Variants in CDC42EP3 observed in about 807,000 individuals in gnomAD.
CDC42EP3 encodes CDC42 effector protein 3, also known as CDC42 effector protein (Rho GTPase binding) 3.
CDC42EP3 carries 4 observed loss-of-function variants against 15.5 expected under a neutral mutation model. That is an observed-to-expected ratio of 0.26 (90% CI 0.13 to 0.59). CDC42EP3 has a LOEUF of 0.59. Among genes scored for constraint, CDC42EP3 ranks in the 20% least tolerant of loss-of-function variants. The pLI, the probability that CDC42EP3 is intolerant of heterozygous loss-of-function variation, is 0.89. For missense variants in CDC42EP3, 309 were observed against 311.2 expected, an observed-to-expected ratio of 0.99 and a Z score of 0.05; for synonymous variants, 145 against 130.3, an observed-to-expected ratio of 1.11 and a Z score of -0.77.
intron 1 of CDC42EP3, among the ~76,000 whole-genome samples, chr2:37,652,894 T>G (rs935216417): frequency 3.9e-5 from 6 of 152,168 alleles, no homozygotes; most frequent in Admixed American, 3.9e-4. Context: ...CTTGCATTTC[T>G]CTACTCCCAC....
intron 1 of CDC42EP3, among the ~76,000 whole-genome samples, chr2:37,667,644 A>G (rs939489385): frequency 2.6e-5 from 4 of 152,228 alleles, no homozygotes; most frequent in African/African-American, 9.7e-5. Flanking sequence ...GTGGGATTGA[A>G]TCATCTTTAA....
intron 1 of CDC42EP3, among the ~76,000 whole-genome samples, chr2:37,663,063 G>T (rs919289997): frequency 6.6e-6 from 1 of 152,234 alleles, no homozygotes; most frequent in Non-Finnish European, 1.5e-5. Flanking sequence ...TACTCATGAG[G>T]CTGAGGCAGG....
Position 37,646,720 on chromosome 2 carries a change from G to A in CDC42EP3, c.-133C>T, listed in dbSNP as rs968600468. ...CTCAAGTGGCTTCAGAAGTGGCTTC[G>A]AAATGAGATGGGGTCAAAGAGAACC... On this transcript the variant is annotated 5_prime_UTR_variant, in exon 2 of 2. Transcript: ENST00000295324. 4.6e-5 allele frequency: 40 copies of A among 863,560 alleles called. 1 individual carries two copies. The highest frequency in any genetic ancestry group is 1.8e-4 in the Admixed American group (7 of 38,092). The allele number at this position is 863,560 out of a possible 1,614,324, so 53.5% of individuals were successfully genotyped here.
chr2:37,651,375 A>ATACAT (rs1330091500), intron 1 of CDC42EP3, among the ~76,000 whole-genome samples: 1 of 152,230 alleles, frequency 6.6e-6, no homozygotes, highest in Non-Finnish European at 1.5e-5. Context: ...GGCTCAGATT[A>ATACAT]GGCTTTCCTG....
intron 1 of CDC42EP3, among the ~76,000 whole-genome samples, chr2:37,665,784 G>C (rs758549818): frequency 6.6e-6 from 1 of 152,142 alleles, no homozygotes; most frequent in South Asian, 2.1e-4. Context: ...AGATCTGCAC[G>C]GGTCTGTTTT....
chr2:37,666,453 T>C (rs556833492), intron 1 of CDC42EP3, among the ~76,000 whole-genome samples: 17 of 152,290 alleles, frequency 1.1e-4, no homozygotes, highest in African/African-American at 3.6e-4. Flanking sequence ...GCAACATGGT[T>C]TAACAAAGGG....
Position 37,646,021 on chromosome 2 carries a change from G to A in CDC42EP3, c.567C>T (p.Ser189=). The A allele has an allele frequency of 6.2e-7, 1 of 1,614,058 alleles. No homozygotes were observed. Among genetic ancestry groups the A allele is most frequent in the Non-Finnish European group, 8.5e-7 (1 of 1,179,958 alleles). The change falls in exon 2 of 2, where the codon TCC becomes TCT. Residue 189 remains serine, a synonymous_variant. Coordinates refer to ENST00000295324, the MANE Select transcript of CDC42EP3 (RefSeq NM_006449.5). ...CGGGGTACTGTTCGGACAGGCTGGA[G>A]GAGTGGCTGTCTCTGCCTTGGCTGG... The part of the protein sequence containing the change: ...SQSSQGRDSH[S]SSLSEQYPDW...
At position 37,643,068 on chromosome 2, in the gene CDC42EP3, A is replaced by C. The variant is rs1192259110; in HGVS notation, c.*2755T>G. ...CAACAAGAAGTGTCTCTACTTATACAAATGGCATGGTTTCTTTTCTGGTTA... is the reference window on the plus strand; with the variant it reads ...CAACAAGAAGTGTCTCTACTTATACCAATGGCATGGTTTCTTTTCTGGTTA... On this transcript the variant is annotated 3_prime_UTR_variant, in exon 2 of 2. Transcript: ENST00000295324. 2 of 152,236 alleles carry C rather than the reference A, an allele frequency of 1.3e-5. No individual in the cohort carries two copies. The highest frequency in any genetic ancestry group is 4.8e-5 in the African/African-American group (2 of 41,468). 9.4% of individuals were successfully genotyped at this position (152,236 alleles called of 1,614,324 possible).
At position 37,660,788 on chromosome 2, in the gene CDC42EP3, TAA is replaced by T. The variant is rs11315857; in HGVS notation, c.-236+10636_-236+10637del. Among the ~76,000 whole-genome samples the T allele has an allele frequency of 2.1e-3, 309 of 146,632 alleles. 3 individuals are homozygous for T. The highest frequency in any genetic ancestry group is 3.2e-3 in the Admixed American group (47 of 14,774). On this transcript the variant is annotated intron_variant, in intron 1 of 1. Coordinates refer to ENST00000295324, the MANE Select transcript of CDC42EP3 (RefSeq NM_006449.5). ...TTCTATTTTGCGTCTACCTTAAGGT[TAA>T]AAAAAAAAAAAATGGAATGAACCTC...
chr2:37,667,688 T>G (rs1296134846), intron 1 of CDC42EP3, among the ~76,000 whole-genome samples: 1 of 152,252 alleles, frequency 6.6e-6, no homozygotes, highest in African/African-American at 2.4e-5. Context: ...TCCTCAAGGC[T>G]GGCAATTACT....
intron 1 of CDC42EP3, among the ~76,000 whole-genome samples, chr2:37,654,712 C>T (rs1665794623): frequency 6.6e-6 from 1 of 152,318 alleles, no homozygotes; most frequent in Non-Finnish European, 1.5e-5. Context: ...TCCCATGTCA[C>T]TTTTCCATAG....
intron 1 of CDC42EP3, among the ~76,000 whole-genome samples, chr2:37,651,503 G>A (rs771875554): frequency 1.1e-4 from 17 of 152,202 alleles, no homozygotes; most frequent in Non-Finnish European, 2.2e-4. Context: ...CAGTGTGTGG[G>A]TATATGAAGA....
chr2:37,661,514 G>A (rs560440164), intron 1 of CDC42EP3, among the ~76,000 whole-genome samples: 4 of 152,334 alleles, frequency 2.6e-5, no homozygotes, highest in South Asian at 2.1e-4. Flanking sequence ...TACCTGGACC[G>A]AGAGCCGGGG....
rs114427209 is a variant in CDC42EP3 at position 37,657,949 on chromosome 2, C to T, written c.-235-11127G>A. Among the ~76,000 whole-genome samples the T allele has an allele frequency of 3.9e-3, 591 of 152,274 alleles. 4 individuals carry two copies. Among genetic ancestry groups the T allele is most frequent in the Non-Finnish European group, 6.4e-3 (438 of 68,012 alleles). On this transcript the variant is annotated intron_variant, in intron 1 of 1. Transcript: ENST00000295324. ...AAGTTGAGAAATCCCAGTAAAGGTG[C>T]TTTTGCTCTATCAGGTCAGAGTTGA...
At chr2:37,651,171 T>G (rs1338906395) in intron 1 of CDC42EP3, among the ~76,000 whole-genome samples, 1 of 152,356 alleles carries the variant, frequency 6.6e-6, no homozygotes, top group East Asian at 1.9e-4. Flanking sequence ...TTTATATTTG[T>G]ACTGGCTTAT....
chr2:37,664,824 A>G (rs953933126), intron 1 of CDC42EP3, among the ~76,000 whole-genome samples: 1 of 152,158 alleles, frequency 6.6e-6, no homozygotes, highest in African/African-American at 2.4e-5. Context: ...AGAAAACCAA[A>G]TACCGCATGT....
rs1324780223 is a variant in CDC42EP3, at chr2:37,644,426, G to A, written c.*1397C>T. 6.6e-6 allele frequency: 1 copy of A among 152,084 alleles called. No individual in the cohort carries two copies. Among genetic ancestry groups the A allele is most frequent in the East Asian group, 1.9e-4 (1 of 5,194 alleles). 9.4% of individuals were successfully genotyped at this position (152,084 alleles called of 1,614,324 possible). ...TAACCACCATCCTCAGGGCATCTCT[G>A]GCACCTTGGGGTCGGGTAAGTGCTC... On this transcript the variant is annotated 3_prime_UTR_variant, in exon 2 of 2. Transcript: ENST00000295324.
chr2:37,660,224 T>C (rs891286371), intron 1 of CDC42EP3, among the ~76,000 whole-genome samples: 1 of 152,242 alleles, frequency 6.6e-6, no homozygotes, highest in Non-Finnish European at 1.5e-5. Context: ...ATTTCGCCTG[T>C]ACCACTCATT....
Position 37,645,545 on chromosome 2 carries a change from G to T in CDC42EP3, c.*278C>A. ...CAATCCTGGCCAAGCCAGATTTCTT[G>T]TGTGTCTGCAAACAATATGTGAGCC... On this transcript the variant is annotated 3_prime_UTR_variant, in exon 2 of 2. Coordinates refer to ENST00000295324, the MANE Select transcript of CDC42EP3 (RefSeq NM_006449.5). 3.6e-6 allele frequency: 1 copy of T among 274,018 alleles called. No individual in the cohort carries two copies. The highest frequency in any genetic ancestry group is 6.8e-6 in the Non-Finnish European group (1 of 145,988). The allele number at this position is 274,018 out of a possible 1,614,324, so 17.0% of individuals were successfully genotyped here.
Sources: gnomAD v4.1 joint callset for allele counts (sites outside exome capture counted in the v4.1 genomes callset) on GRCh38, gnomAD v4.1.1 for gene constraint, MANE v1.5 for transcripts, NCBI Gene and HGNC (gene_info 2026-07-23, HGNC 2026-07-21) for gene names.